CPSF1: variants seen among roughly 807,000 people sequenced by gnomAD.
CPSF1 encodes cleavage and polyadenylation specificity factor subunit 1.
Under a neutral mutation model 175.8 loss-of-function variants are expected in CPSF1, and 106 were observed. The observed-to-expected ratio is 0.60, with a 90% CI of 0.52 to 0.71. The LOEUF (loss-of-function observed/expected upper bound fraction) is 0.71. CPSF1 is among the 30% of genes least tolerant of loss of function. The pLI is 0.00. For synonymous variants in CPSF1, 1,024 were observed against 858.3 expected, an observed-to-expected ratio of 1.19 and a Z score of -3.37; for missense variants, 1,734 against 2,022.9, an observed-to-expected ratio of 0.86 and a Z score of 2.74.
Position 144,397,188 on chromosome 8 carries a change from C to A in CPSF1, c.2592+19G>T. Reference sequence around the variant, plus strand: ...CCAGGGGGAAGATGGGAAGGGGAGGCCAGGCCAGGCGCACTCACCAGCAGG... The same window carrying A: ...CCAGGGGGAAGATGGGAAGGGGAGGACAGGCCAGGCGCACTCACCAGCAGG... On this transcript the variant is annotated intron_variant, in intron 23 of 37. Transcript: ENST00000616140. The A allele has an allele frequency of 6.6e-7, 1 of 1,521,790 alleles. No individual in the cohort carries two copies. 94.3% of individuals were successfully genotyped at this position (1,521,790 alleles called of 1,614,324 possible).
chr8:144,400,523 C>T lies in CPSF1; in HGVS notation c.687-30G>A, dbSNP rs2116875938. ...GGACGCCAGTGGGTCAGCCAAGGGC[C>T]TTGCCTCCCCGCAGAGACCCAGGCC... On this transcript the variant is annotated intron_variant, in intron 7 of 37. Coordinates refer to ENST00000616140, the MANE Select transcript of CPSF1 (RefSeq NM_013291.3). The T allele has an allele frequency of 5.6e-6, 9 of 1,611,246 alleles. No individual in the cohort carries two copies. The Admixed American group carries it at 1.3e-4, about 24-fold the overall frequency.
In CPSF1 at chr8:144,397,828, T is replaced by C; in HGVS notation, c.2125A>G (p.Thr709Ala). Residue 709 changes from threonine (T) to alanine (A), a missense_variant, in exon 21 of 38, where the codon ACC becomes GCC. Physicochemically the swap from Thr to Ala is moderately conservative, Grantham distance 58. Coordinates refer to ENST00000616140, the MANE Select transcript of CPSF1 (RefSeq NM_013291.3). ...GCCCCACCCAGGCGGCTCTCAGTGG[T>C]GAACATGCCGCTGAGGTCTCGGTAC... ...CLYRDLSGMFTTESRLGGARD... is the reference protein window; with the variant it reads ...CLYRDLSGMFATESRLGGARD... The C allele has an allele frequency of 1.9e-6, 3 of 1,610,974 alleles. No homozygotes were observed. Among genetic ancestry groups the C allele is most frequent in the South Asian group, 1.1e-5 (1 of 91,048 alleles).
In CPSF1 at chr8:144,401,256, G is replaced by A. The variant is rs2116883003; in HGVS notation, c.342C>T (p.Asp114=). Residue 114 remains aspartate, a synonymous_variant, in exon 5 of 38, where the codon GAC becomes GAT. Coordinates refer to ENST00000616140, the MANE Select transcript of CPSF1 (RefSeq NM_013291.3). ...SVVEYDPGTH[D]LKTLSLHYFE... ...AGTAGTGCAGTGACAGGGTCTTCAG[G>A]TCATGGGTGCCCGGGTCGTACTCCA... The A allele has an allele frequency of 1.9e-6, 3 of 1,552,682 alleles. No individual in the cohort carries two copies. Among genetic ancestry groups the A allele is most frequent in the Non-Finnish European group, 2.6e-6 (3 of 1,148,008 alleles).
At position 144,396,288 on chromosome 8, in the gene CPSF1, C is replaced by G. The variant is rs2130760927; in HGVS notation, c.2979+60G>C. 3 of 1,511,184 alleles carry G rather than the reference C, an allele frequency of 2.0e-6. No homozygotes were observed. The East Asian group carries it at 7.2e-5, about 36-fold the overall frequency. 93.6% of individuals were successfully genotyped at this position (1,511,184 alleles called of 1,614,324 possible). A position where few individuals can be genotyped will look rare whatever the true frequency, so the allele number is the denominator to read the frequency against. On this transcript the variant is annotated intron_variant, in intron 26 of 37. Transcript: ENST00000616140. ...AATGGTCCCTTCTCCTGTCCCCTCC[C>G]CCTCAGCCCCCAGCTGGGGCAGCAT...
chr8:144,400,822 G>T lies in CPSF1; in HGVS notation c.540-5C>A. ...GGCAGGAAGCTGGACCTCTGCCTGG[G>T]GGGCCAGGGGCTTCAGCAGGAGAGG... On this transcript the variant is annotated splice_polypyrimidine_tract_variant and splice_region_variant and intron_variant, in intron 6 of 37. Transcript: ENST00000616140. 1 of 1,613,362 alleles carries T rather than the reference G, an allele frequency of 6.2e-7. No homozygotes were observed. The highest frequency in any genetic ancestry group is 8.5e-7 in the Non-Finnish European group (1 of 1,179,912).
intron 2 of CPSF1, among the ~76,000 whole-genome samples, chr8:144,404,493 G>A (rs1184910556): frequency 6.6e-6 from 1 of 150,834 alleles, no homozygotes; most frequent in African/African-American, 2.4e-5. Flanking sequence ...AGCTTACCGA[G>A]TAGCTGGGAC....
Position 144,394,692 on chromosome 8 carries a change from G to T in CPSF1, c.3519C>A (p.Thr1173=), listed in dbSNP as rs140031041. The part of the protein sequence containing the change: ...LYEKEQKGPV[T]ALCHCNGHLV... The stretch of plus-strand genomic sequence containing the variant: ...GGTGGCCATTGCAGTGGCACAGGGC[G>T]GTCACGGGCCCCTTCTGCTCCTTCT... The change falls in exon 31 of 38, where the codon ACC becomes ACA. Residue 1173 remains threonine (T), a synonymous_variant. Transcript: ENST00000616140. 2.5e-6 allele frequency: 4 copies of T among 1,612,500 alleles called. No homozygotes were observed. In the South Asian group the frequency reaches 3.3e-5, roughly 13 times the overall value.
Position 144,400,146 on chromosome 8 carries a change from C to CCCCCCCCCCCCCCCCCCAAA in CPSF1, c.937+19_937+20insTTTGGGGGGGGGGGGGGGGG. ...CAAGCCGTCCCCGGGCCCCCCCCGCCCCAGCCACCCCACACTCACGAAGCG... is the reference window on the plus strand; with the variant it reads ...CAAGCCGTCCCCGGGCCCCCCCCGCCCCCCCCCCCCCCCCCCCAAACCAGCCACCCCACACTCACGAAGCG... On this transcript the variant is annotated intron_variant, in intron 9 of 37. Coordinates refer to ENST00000616140, the MANE Select transcript of CPSF1 (RefSeq NM_013291.3). The CCCCCCCCCCCCCCCCCCAAA allele has an allele frequency of 7.2e-7, 1 of 1,387,300 alleles. No individual in the cohort carries two copies. Among genetic ancestry groups the CCCCCCCCCCCCCCCCCCAAA allele is most frequent in the Non-Finnish European group, 9.8e-7 (1 of 1,021,312 alleles). 85.9% of individuals were successfully genotyped at this position (1,387,300 alleles called of 1,614,324 possible). A position where few individuals can be genotyped will look rare whatever the true frequency, so the allele number is the denominator to read the frequency against.
In CPSF1 at chr8:144,396,865, C is replaced by T. The variant is rs1554864008; in HGVS notation, c.2657G>A (p.Gly886Asp). Residue 886 changes from glycine to aspartate, a missense_variant, in exon 24 of 38, where the codon GGC becomes GAC. By Grantham distance (94) the Gly-to-Asp change is moderately conservative. This residue lies in a region of CPSF1 where 585 missense variants were observed against 584.7 expected (regional missense o/e 1.00). Transcript: ENST00000616140. ...CTTCTTAAAGCGGACTTTGAGATTG[C>T]CCTGGCCGAGCTGAGAGTCGTGGGG... Reference protein sequence around the residue: ...AFPHDSQLGQGNLKVRFKKVP... With the variant: ...AFPHDSQLGQDNLKVRFKKVP... 2 of 1,613,980 alleles carry T rather than the reference C, an allele frequency of 1.2e-6. No individual in the cohort carries two copies. The highest frequency in any genetic ancestry group is 1.7e-5 in the Admixed American group (1 of 60,010).
Position 144,399,661 on chromosome 8 carries a change from T to TTGCCCAGGCGAGAACCCAGGAACAGG in CPSF1, c.1143_1168dup (p.Asn390ThrfsTer90). On this transcript the variant is annotated frameshift_variant, in exon 12 of 38. Transcript: ENST00000616140. LOFTEE classifies it high-confidence loss of function. The surrounding 1 kb of genome is among the most constrained non-coding windows in gnomAD (Gnocchi z 6.4). ...CTCCGTGTACTTGAGGAGGAGGGAA[T>TTGCCCAGGCGAGAACCCAGGAACAGG]TGCCCAGGCGAGAACCCAGGAACAG... 1.2e-6 allele frequency: 2 copies of TTGCCCAGGCGAGAACCCAGGAACAGG among 1,610,668 alleles called. No homozygotes were observed.
At chr8:144,396,184 A>G in intron 26 of CPSF1, 164 bp downstream of exon 26, 1 of 740,954 alleles carries the variant, frequency 1.3e-6, no homozygotes, top group South Asian at 1.9e-5. Flanking sequence ...CTTTGGAGCA[A>G]CCAAGTCACA....
intron 31 of CPSF1, 23 bp from the exon 32 acceptor site, chr8:144,394,578 GC>G (rs1234037803): frequency 4.4e-6 from 7 of 1,605,534 alleles, no homozygotes; most frequent in Non-Finnish European, 3.4e-6. Flanking sequence ...GCGAGGGTGA[GC>G]GGGCGCGGAC....
intron 9 of CPSF1, 31 bp downstream of exon 9, chr8:144,400,135 G>GGGGGGGGCC: frequency 6.7e-6 from 6 of 895,988 alleles, no homozygotes; most frequent in Non-Finnish European, 9.6e-6. Flanking sequence ...CCGTCCCCGG[G>GGGGGGGGCC]CCCCCCCCGC....
Position 144,393,847 on chromosome 8 carries a change from CCCCCCACCCAGACACACCTGCT to C in CPSF1, c.4015+14_4015+35del. The C allele has an allele frequency of 6.2e-7, 1 of 1,600,076 alleles. No homozygotes were observed. On this transcript the variant is annotated intron_variant, in intron 35 of 37. Coordinates refer to ENST00000616140, the MANE Select transcript of CPSF1 (RefSeq NM_013291.3). ...GGTGTGAGCCAGGCCAACCCTAGGGCCCCCCACCCAGACACACCTGCTCCCCCACACTCACCAAACCACGTGA... is the reference window on the plus strand; with the variant it reads ...GGTGTGAGCCAGGCCAACCCTAGGGCCCCCCACACTCACCAAACCACGTGA...
In CPSF1 at chr8:144,397,738, C is replaced by T. The variant is rs367717567; in HGVS notation, c.2210+5G>A. The stretch of plus-strand genomic sequence containing the variant: ...CCCCTACCTGCGCCCCCAGCCCCCA[C>T]GCACCTAGTCTCTGAGCCCAGGCCC... On this transcript the variant is annotated splice_donor_5th_base_variant and intron_variant, in intron 21 of 37. Coordinates refer to ENST00000616140, the MANE Select transcript of CPSF1 (RefSeq NM_013291.3). The T allele has an allele frequency of 1.1e-5, 17 of 1,594,466 alleles. No homozygotes were observed. Among genetic ancestry groups the T allele is most frequent in the Middle Eastern group, 1.7e-4 (1 of 6,028 alleles).
Position 144,396,939 on chromosome 8 carries a change from T to C in CPSF1, c.2593-10A>G. On this transcript the variant is annotated splice_polypyrimidine_tract_variant and intron_variant, in intron 23 of 37. Transcript: ENST00000616140. Reference sequence around the variant, plus strand: ...CTTGGTCCACATGCACCTGGCAGGATGAGGGGAGCCATGGGGGAACGGGCA... The same window carrying C: ...CTTGGTCCACATGCACCTGGCAGGACGAGGGGAGCCATGGGGGAACGGGCA... 1 of 1,601,562 alleles carries C rather than the reference T, an allele frequency of 6.2e-7. No homozygotes were observed. The highest frequency in any genetic ancestry group is 1.1e-5 in the South Asian group (1 of 90,610).
chr8:144,401,032 TC>T lies in CPSF1; in HGVS notation c.430del (p.Asp144ThrfsTer53). ...QNVHTPRVRVDPDGRCAAMLV... is the reference protein window; with the variant it reads ...QNVHTPRVRVXPDGRCAAMLV... The stretch of plus-strand genomic sequence containing the variant: ...CATGGCTGCACAGCGCCCGTCGGGG[TC>T]CACCCGCACTCGCGGCGTGTGTACA... On this transcript the variant is annotated frameshift_variant, in exon 6 of 38. Transcript: ENST00000616140. LOFTEE classifies it high-confidence loss of function. 6.2e-7 allele frequency: 1 copy of T among 1,608,258 alleles called. No individual in the cohort carries two copies. Among genetic ancestry groups the T allele is most frequent in the Non-Finnish European group, 8.5e-7 (1 of 1,177,054 alleles).
intron 26 of CPSF1, chr8:144,395,926 C>T (rs1820693237): frequency 2.5e-6 from 1 of 400,170 alleles, no homozygotes; most frequent in East Asian, 4.7e-5. Flanking sequence ...CCAGGAAGCA[C>T]TCACCGCATC....
chr8:144,407,458 G>A (rs993075590), intron 2 of CPSF1, among the ~76,000 whole-genome samples: 1 of 152,098 alleles, frequency 6.6e-6, no homozygotes, highest in South Asian at 2.1e-4. Flanking sequence ...AAGGTGAGTG[G>A]ACTGCCTGAG....
Sources: allele counts gnomAD v4.1 joint callset (sites outside exome capture counted in the v4.1 genomes callset), GRCh38; gene constraint gnomAD v4.1.1; regional missense constraint gnomAD v4.1.1; non-coding constraint Gnocchi (gnomAD v3.1); transcripts MANE v1.5; gene names NCBI Gene and HGNC (gene_info 2026-07-23, HGNC 2026-07-21).